The following PBX3 variants were observed in gnomAD, a reference collection of about 807,000 sequenced individuals.
The protein encoded by PBX3 is pre-B-cell leukemia transcription factor 3.
In PBX3, 14 loss-of-function variants were observed where a neutral mutation model predicts 48.5. That is an observed-to-expected ratio of 0.29 (90% CI 0.19 to 0.45). The LOEUF is 0.45. PBX3 is among the 20% of genes least tolerant of loss of function. The pLI is 1.00. For missense variants in PBX3, 386 were observed against 546.7 expected, an observed-to-expected ratio of 0.71 and a Z score of 2.93; for synonymous variants, 210 against 200.3, an observed-to-expected ratio of 1.05 and a Z score of -0.41.
chr9:125,878,475 T>C (rs1456362653), intron 2 of PBX3, among the ~76,000 whole-genome samples: 1 of 152,236 alleles, frequency 6.6e-6, no homozygotes, highest in Non-Finnish European at 1.5e-5. Context: ...CCCTTCAGAC[T>C]GTAACCAAAA....
intron 2 of PBX3, among the ~76,000 whole-genome samples, chr9:125,823,951 CT>C (rs1394254820): frequency 2.0e-5 from 3 of 152,102 alleles, no homozygotes; most frequent in Admixed American, 2.0e-4. Context: ...TGGCCCGCAC[CT>C]GTAGTCCCAG....
At chr9:125,848,471 A>C (rs559174838) in intron 2 of PBX3, among the ~76,000 whole-genome samples, 2 of 151,956 alleles carry the variant, frequency 1.3e-5, no homozygotes. Context: ...TTCTCCCTCA[A>C]TATCTAGTAC....
chr9:125,790,082 T>C (rs781486923), intron 2 of PBX3, among the ~76,000 whole-genome samples: 2 of 152,164 alleles, frequency 1.3e-5, no homozygotes, highest in Non-Finnish European at 2.9e-5. Context: ...AATACGTGGA[T>C]TAAAATAAGA....
chr9:125,920,439 C>T (rs988085260), intron 3 of PBX3, among the ~76,000 whole-genome samples: 3 of 152,156 alleles, frequency 2.0e-5, no homozygotes, highest in African/African-American at 7.2e-5. Flanking sequence ...TTGGTTCCTC[C>T]ACCACCCTAC....
chr9:125,763,991 G>C (rs1836739177), intron 2 of PBX3, among the ~76,000 whole-genome samples: 1 of 152,138 alleles, frequency 6.6e-6, no homozygotes, highest in Admixed American at 6.6e-5. Flanking sequence ...TCACTTGTTA[G>C]ATCATTTCCC....
intron 5 of PBX3, among the ~76,000 whole-genome samples, chr9:125,945,770 C>T (rs2132559794): frequency 6.6e-6 from 1 of 152,244 alleles, no homozygotes; most frequent in African/African-American, 2.4e-5. Context: ...GTTCACATTG[C>T]CTTCAGATCT....
chr9:125,918,194 G>A (rs1841376753), intron 3 of PBX3, among the ~76,000 whole-genome samples: 1 of 152,126 alleles, frequency 6.6e-6, no homozygotes, highest in South Asian at 2.1e-4. Flanking sequence ...CTCTTGCCAT[G>A]TGTCTTTACA....
chr9:125,916,571 C>G (rs1015232403), intron 3 of PBX3, among the ~76,000 whole-genome samples: 1 of 152,120 alleles, frequency 6.6e-6, no homozygotes, highest in African/African-American at 2.4e-5. Context: ...TACTGAATCT[C>G]AGATAACTTT....
At chr9:125,769,571 G>A (rs1010506659) in intron 2 of PBX3, among the ~76,000 whole-genome samples, 2 of 152,182 alleles carry the variant, frequency 1.3e-5, no homozygotes, top group East Asian at 1.9e-4. Flanking sequence ...AGCCATTAGC[G>A]TGATCCTCTT....
At chr9:125,796,385 T>G (rs1437682669) in intron 2 of PBX3, among the ~76,000 whole-genome samples, 2 of 152,184 alleles carry the variant, frequency 1.3e-5, no homozygotes, top group Non-Finnish European at 2.9e-5. Context: ...GGGTAGTGCA[T>G]TAAGCCTATT....
At chr9:125,951,100 A>G (rs1420668854) in intron 5 of PBX3, among the ~76,000 whole-genome samples, 1 of 152,226 alleles carries the variant, frequency 6.6e-6, no homozygotes, top group Non-Finnish European at 1.5e-5. Flanking sequence ...TAACAGTTAA[A>G]TGAGATAATA....
chr9:125,811,696 T>G (rs1448499007), intron 2 of PBX3, among the ~76,000 whole-genome samples: 1 of 152,128 alleles, frequency 6.6e-6, no homozygotes, highest in African/African-American at 2.4e-5. Context: ...GCCTACAGAT[T>G]TAGTGTATGG....
intron 2 of PBX3, among the ~76,000 whole-genome samples, chr9:125,768,450 C>T (rs1836856793): frequency 2.6e-5 from 4 of 151,982 alleles, no homozygotes; most frequent in East Asian, 1.9e-4. Flanking sequence ...ATTCTTAAAA[C>T]GTTAAGTTAA....
At chr9:125,749,076 A>AC (rs1394135982) in intron 2 of PBX3, 1 of 161,722 alleles carries the variant, frequency 6.2e-6, no homozygotes, top group East Asian at 1.7e-4. Flanking sequence ...AATTGAACAG[A>AC]CCCCAGTAGC....
chr9:125,949,264 G>A (rs998562213), intron 5 of PBX3: 1 of 1,312,282 alleles, frequency 7.6e-7, no homozygotes, highest in African/African-American at 1.5e-5. Context: ...GGGGATTCAG[G>A]GGTTAATGAA....
At chr9:125,909,832 A>G (rs78738638) in intron 2 of PBX3, among the ~76,000 whole-genome samples, 36 of 152,220 alleles carry the variant, frequency 2.4e-4, no homozygotes, top group African/African-American at 6.7e-4. Context: ...AGATACTAAT[A>G]ATGTCATTAT....
At chr9:125,801,353 GT>G in intron 2 of PBX3, among the ~76,000 whole-genome samples, 1 of 152,276 alleles carries the variant, frequency 6.6e-6, no homozygotes, top group Middle Eastern at 3.4e-3. Context: ...ACACAGCACT[GT>G]TTATTCTGGC....
At chr9:125,884,902 A>G (rs1840462871) in intron 2 of PBX3, among the ~76,000 whole-genome samples, 1 of 152,164 alleles carries the variant, frequency 6.6e-6, no homozygotes, top group Non-Finnish European at 1.5e-5. Flanking sequence ...GAGAAGTATC[A>G]TTATGACTTT....
At chr9:125,949,505 A>T in intron 5 of PBX3, 1 of 1,549,764 alleles carries the variant, frequency 6.5e-7, no homozygotes, top group Non-Finnish European at 8.7e-7. Flanking sequence ...GTCTGTTCTT[A>T]GTCTCTGATG....
Sources: gnomAD v4.1 joint callset for allele counts (sites outside exome capture counted in the v4.1 genomes callset) on GRCh38, gnomAD v4.1.1 for gene constraint, MANE v1.5 for transcripts, NCBI Gene and HGNC (gene_info 2026-07-23, HGNC 2026-07-21) for gene names.